The following AFTPH variants were observed in gnomAD, a reference collection of about 807,000 sequenced individuals.
The protein encoded by AFTPH is aftiphilin.
In AFTPH, 7 loss-of-function variants were observed where a neutral mutation model predicts 72.5. That is an observed-to-expected ratio of 0.10 (90% CI 0.05 to 0.18). The LOEUF (loss-of-function observed/expected upper bound fraction) is 0.18. AFTPH is among the 10% of genes least tolerant of loss of function. AFTPH has a pLI of 1.00. For missense variants in AFTPH, 979 were observed against 1,060.5 expected (o/e 0.92, Z 1.07); for synonymous variants, 337 against 370.1 (o/e 0.91, Z 1.03).
intron 2 of AFTPH, among the ~76,000 whole-genome samples, chr2:64,562,354 T>TA (rs1671792821): frequency 1.3e-5 from 2 of 151,380 alleles, no homozygotes; most frequent in African/African-American, 2.4e-5. Context: ...TTTTTTTTTT[T>TA]AATCTGGTGC....
At chr2:64,579,285 A>G (rs868193030) in intron 6 of AFTPH, among the ~76,000 whole-genome samples, 3 of 152,240 alleles carry the variant, frequency 2.0e-5, no homozygotes, top group African/African-American at 7.2e-5. Flanking sequence ...TTAAATGTCA[A>G]TAACCTGTAC....
At chr2:64,583,532 G>C (rs1238061621) in intron 7 of AFTPH, among the ~76,000 whole-genome samples, 1 of 151,848 alleles carries the variant, frequency 6.6e-6, no homozygotes, top group African/African-American at 2.4e-5. Flanking sequence ...GTTTTTACTA[G>C]CACTTACCTA....
intron 6 of AFTPH, among the ~76,000 whole-genome samples, chr2:64,573,598 G>A (rs1450940681): frequency 3.9e-5 from 6 of 152,256 alleles, no homozygotes; most frequent in South Asian, 2.1e-4. Context: ...TAAGCAAAAT[G>A]GTTATTTAAC....
At chr2:64,574,373 A>C (rs935622949) in intron 6 of AFTPH, among the ~76,000 whole-genome samples, 5 of 152,042 alleles carry the variant, frequency 3.3e-5, no homozygotes, top group African/African-American at 1.2e-4. Context: ...TCATACCCCC[A>C]TAACCACCCT....
intron 2 of AFTPH, among the ~76,000 whole-genome samples, chr2:64,563,899 C>G (rs961560259): frequency 6.6e-6 from 1 of 152,316 alleles, no homozygotes; most frequent in East Asian, 1.9e-4. Context: ...AGCCACCGCG[C>G]CCAGCTGAGA....
At chr2:64,564,682 GC>G (rs1671948809) in intron 2 of AFTPH, among the ~76,000 whole-genome samples, 1 of 151,850 alleles carries the variant, frequency 6.6e-6, no homozygotes, top group Non-Finnish European at 1.5e-5. Context: ...TGGATCTATA[GC>G]CCTCTATTGA....
chr2:64,580,572 T>A (rs1673129562), intron 7 of AFTPH: 1 of 152,630 alleles, frequency 6.6e-6, no homozygotes, highest in South Asian at 2.1e-4. Flanking sequence ...TGCTTTTTAT[T>A]AACAAACAAC....
At chr2:64,553,270 G>T (rs145180972) in exon 2 of AFTPH, 3 of 1,613,974 alleles carry the variant, frequency 1.9e-6, no homozygotes, top group Non-Finnish European at 2.5e-6. Context: ...TCTCATCATC[G>T]AAAGGAAGCC....
Position 64,573,553 on chromosome 2 carries a change from G to C in AFTPH, c.2394+485G>C, listed in dbSNP as rs557635172. Among the ~76,000 whole-genome samples, 108 of 152,290 alleles carry C rather than the reference G, an allele frequency of 7.1e-4. 1 individual carries two copies. Among genetic ancestry groups the C allele is most frequent in the Admixed American group, 2.3e-3 (35 of 15,286 alleles). ...AAATTTTATAAAGCAGTAAAGGTTAGATATGTCCATTGCCTTAAACTTGTT... is the reference window on the plus strand; with the variant it reads ...AAATTTTATAAAGCAGTAAAGGTTACATATGTCCATTGCCTTAAACTTGTT... On this transcript the variant is annotated intron_variant, in intron 6 of 8. Transcript: ENST00000238856.
chr2:64,541,436 C>A (rs1409037266), intron 1 of AFTPH, among the ~76,000 whole-genome samples: 2 of 151,994 alleles, frequency 1.3e-5, no homozygotes, highest in African/African-American at 4.8e-5. Flanking sequence ...AAAGAAAAAA[C>A]ACCCAAAAAG....
intron 1 of AFTPH, among the ~76,000 whole-genome samples, chr2:64,541,184 TA>T (rs1363831493): frequency 6.6e-6 from 1 of 152,140 alleles, no homozygotes; most frequent in Non-Finnish European, 1.5e-5. Context: ...TCTCTTCACA[TA>T]ATATTGGCCC....
At position 64,586,162 on chromosome 2, in the gene AFTPH, A is replaced by G. The variant is rs148696847; in HGVS notation, c.2579+617A>G. On this transcript the variant is annotated intron_variant, in intron 8 of 8. Coordinates refer to ENST00000238856, the Ensembl canonical transcript of AFTPH. ...ATCTTTAGTTTCATATGATTAGGCT[A>G]GTACAATCCATTGCTTTGAGTTATT... 1.1e-3 allele frequency among the ~76,000 whole-genome samples: 161 copies of G among 152,352 alleles called. 2 individuals carry two copies. In the East Asian group the frequency reaches 0.015, roughly 14 times the overall value.
At chr2:64,551,752 C>A (rs1671061173) in exon 2 of AFTPH, 1 of 1,613,694 alleles carries the variant, frequency 6.2e-7, no homozygotes, top group African/African-American at 1.3e-5. Flanking sequence ...AAGGACATCA[C>A]TGCTGAACTT....
chr2:64,582,443 A>C (rs528876935), intron 7 of AFTPH, among the ~76,000 whole-genome samples: 8 of 152,316 alleles, frequency 5.3e-5, no homozygotes, highest in African/African-American at 7.2e-5. Context: ...GGATTCCTCA[A>C]ATCCAAGCCC....
At chr2:64,557,048 A>G (rs1010598794) in intron 2 of AFTPH, among the ~76,000 whole-genome samples, 1 of 152,206 alleles carries the variant, frequency 6.6e-6, no homozygotes, top group Non-Finnish European at 1.5e-5. Context: ...TTACATTTCA[A>G]AGCAGTCCTT....
intron 5 of AFTPH, among the ~76,000 whole-genome samples, chr2:64,570,583 T>G (rs769551887): frequency 3.9e-5 from 6 of 152,224 alleles, no homozygotes; most frequent in Non-Finnish European, 2.9e-5. Context: ...TTTAAAAACA[T>G]TTTGATGATC....
At chr2:64,532,600 A>G (rs1669688710) in intron 1 of AFTPH, among the ~76,000 whole-genome samples, 1 of 152,222 alleles carries the variant, frequency 6.6e-6, no homozygotes, top group Non-Finnish European at 1.5e-5. Context: ...TGGTATGGTA[A>G]CTGGGTTAGA....
intron 1 of AFTPH, among the ~76,000 whole-genome samples, chr2:64,531,631 C>T (rs1669637772): frequency 6.6e-6 from 1 of 152,138 alleles, no homozygotes; most frequent in Non-Finnish European, 1.5e-5. Flanking sequence ...TAGCCACTAG[C>T]CAAATGTGTC....
At chr2:64,551,400 T>G in intron 1 of AFTPH, 43 bp from the exon 2 acceptor site, 2 of 1,432,434 alleles carry the variant, frequency 1.4e-6, no homozygotes, top group Non-Finnish European at 1.9e-6. Context: ...TCTTGTTCTA[T>G]GTAATCTGTC....
Sources: gnomAD v4.1 joint callset for allele counts (sites outside exome capture counted in the v4.1 genomes callset) on GRCh38, gnomAD v4.1.1 for gene constraint, MANE v1.5 for transcripts, NCBI Gene and HGNC (gene_info 2026-07-23, HGNC 2026-07-21) for gene names.